The following FAM161B variants were observed in gnomAD, a reference collection of about 807,000 sequenced individuals.
FAM161B encodes the protein FAM161 centrosomal protein B, also known as protein FAM161B.
In FAM161B, 46 loss-of-function variants were observed where a neutral mutation model predicts 61.5. The observed-to-expected ratio is 0.75, with a 90% CI of 0.59 to 0.96. FAM161B has a LOEUF of 0.96. Ranked by LOEUF, FAM161B falls within the 40% of genes least tolerant of loss-of-function variation. The pLI, the probability that FAM161B is intolerant of heterozygous loss-of-function variation, is 0.00. For missense variants in FAM161B, 774 were observed against 800.7 expected (o/e 0.97, Z 0.40); for synonymous variants, 284 against 302.7 (o/e 0.94, Z 0.64).
At chr14:73,925,886 T>C in the FAM161B span, among the ~76,000 whole-genome samples, 1 of 151,992 alleles carries the variant, frequency 6.6e-6, no homozygotes, top group African/African-American at 2.4e-5. Context: ...AAAAAAAAAT[T>C]AGCGGGACGT....
downstream of FAM161B, chr14:73,927,914 T>C (rs753370908): frequency 1.2e-5 from 2 of 163,698 alleles, no homozygotes; most frequent in South Asian, 2.3e-4. Context: ...CTCGGCCCAC[T>C]GCAACCTCTA....
At chr14:73,945,163 G>C (rs888288454) in intron 2 of FAM161B, among the ~76,000 whole-genome samples, 3 of 152,216 alleles carry the variant, frequency 2.0e-5, no homozygotes, top group African/African-American at 7.2e-5. Context: ...TTTAGAGTCA[G>C]ACAGACCTGG....
At chr14:73,937,447 T>C (rs1311320079) in intron 7 of FAM161B, among the ~76,000 whole-genome samples, 155 bp downstream of exon 7, 4 of 152,212 alleles carry the variant, frequency 2.6e-5, no homozygotes, top group Non-Finnish European at 4.4e-5. Flanking sequence ...GCATTCTCTA[T>C]TGTACTATTT....
chr14:73,923,982 G>A, the FAM161B span, among the ~76,000 whole-genome samples: 1 of 151,994 alleles, frequency 6.6e-6, no homozygotes, highest in African/African-American at 2.4e-5. Flanking sequence ...ATAACATCCT[G>A]GAAAAAGTCC....
At chr14:73,942,070 C>G (rs1009316103) in intron 4 of FAM161B, among the ~76,000 whole-genome samples, 2 of 152,128 alleles carry the variant, frequency 1.3e-5, no homozygotes, top group African/African-American at 4.8e-5. Context: ...ACAGTGGCAT[C>G]ATCTTGGCTC....
intron 2 of FAM161B, among the ~76,000 whole-genome samples, chr14:73,945,786 G>A (rs1224977939): frequency 1.3e-5 from 2 of 151,170 alleles, no homozygotes; most frequent in Non-Finnish European, 2.9e-5. Context: ...CTGTTGCTCA[G>A]GCTGGAGTGC....
chr14:73,945,515 C>T (rs2056058895), intron 2 of FAM161B, among the ~76,000 whole-genome samples: 1 of 152,074 alleles, frequency 6.6e-6, no homozygotes, highest in African/African-American at 2.4e-5. Flanking sequence ...ACTGCAACCT[C>T]CACCTCCCAG....
At position 73,942,638 on chromosome 14, in the gene FAM161B, A is replaced by C. The variant is rs747658672; in HGVS notation, c.1003T>G (p.Ser335Ala). 3.1e-6 allele frequency: 5 copies of C among 1,614,008 alleles called. No homozygotes were observed. The East Asian group carries it at 6.7e-5, about 22-fold the overall frequency. The change falls in exon 4 of 9, where the codon TCC becomes GCC. Residue 335 changes from serine to alanine, a missense_variant. Ser to Ala is a moderately conservative substitution (Grantham distance 99). Coordinates refer to ENST00000286544, the MANE Select transcript of FAM161B (RefSeq NM_152445.3). Reference protein sequence around the residue: ...MLQMASSPIASSSNRANPQPR... With the variant: ...MLQMASSPIAASSNRANPQPR... ...TGTGGGTTAGCCCGGTTACTAGAGGAGGCGATAGGGGAAGAGGCCATCTGG... is the reference window on the plus strand; with the variant it reads ...TGTGGGTTAGCCCGGTTACTAGAGGCGGCGATAGGGGAAGAGGCCATCTGG...
At chr14:73,949,784 T>C in intron 1 of FAM161B, 189 bp downstream of exon 1, 1 of 728,214 alleles carries the variant, frequency 1.4e-6, no homozygotes, top group South Asian at 1.9e-5. Context: ...TGACATTGCC[T>C]ATCAAGAGCC....
Position 73,936,039 on chromosome 14 carries a change from T to A in FAM161B, c.1715A>T (p.Gln572Leu), listed in dbSNP as rs765054455. ...AEQWYLDTLK[Q>L]AGLEEDFVRN... ...CACAAAGTCTTCCTCCAGCCCAGCCTGCTTCAGGGTGTCTAGATACCACTG... is the reference window on the plus strand; with the variant it reads ...CACAAAGTCTTCCTCCAGCCCAGCCAGCTTCAGGGTGTCTAGATACCACTG... Residue 572 changes from glutamine to leucine, a missense_variant, in exon 8 of 9, where the codon CAG becomes CTG. Physicochemically the swap from Gln to Leu is moderately radical, Grantham distance 113 (BLOSUM62 -2). Transcript: ENST00000286544. 2 of 1,613,924 alleles carry A rather than the reference T, an allele frequency of 1.2e-6. No individual in the cohort carries two copies. Among genetic ancestry groups the A allele is most frequent in the Non-Finnish European group, 1.7e-6 (2 of 1,179,868 alleles).
chr14:73,935,848 G>T, intron 8 of FAM161B, 101 bp downstream of exon 8: 2 of 1,307,472 alleles, frequency 1.5e-6, no homozygotes, highest in East Asian at 2.4e-5. Flanking sequence ...ACAGGATTAT[G>T]ATCTCAAAAT....
At position 73,940,795 on chromosome 14, in the gene FAM161B, T is replaced by A. The variant is rs994533768; in HGVS notation, c.1400+131A>T. ...GTGTGGAGAACCGCAATTGTTCCAGTCCTGATCAGAAAATTCCCTTTGACC... is the reference window on the plus strand; with the variant it reads ...GTGTGGAGAACCGCAATTGTTCCAGACCTGATCAGAAAATTCCCTTTGACC... On this transcript the variant is annotated intron_variant, in intron 5 of 8. Transcript: ENST00000286544. The A allele has an allele frequency of 5.3e-6, 7 of 1,322,032 alleles. 1 individual carries two copies. The highest frequency in any genetic ancestry group is 7.1e-6 in the Non-Finnish European group (7 of 982,270). 81.9% of individuals were successfully genotyped at this position (1,322,032 alleles called of 1,614,324 possible). A position where few individuals can be genotyped will look rare whatever the true frequency, so the allele number is the denominator to read the frequency against.
chr14:73,923,332 T>C, the FAM161B span: 1 of 1,542,620 alleles, frequency 6.5e-7, no homozygotes. Context: ...AGAGGCTTAA[T>C]GATCCAGATA....
In FAM161B at chr14:73,946,265, C is replaced by T. The variant is rs745755466; in HGVS notation, c.374+21G>A. ...GTGTGGAGGTGTGGAGTGAGGCAGC[C>T]GTGGAGCTGCAGTGCCTTACCTCAG... On this transcript the variant is annotated intron_variant, in intron 2 of 8. Transcript: ENST00000286544. 15 of 1,600,356 alleles carry T rather than the reference C, an allele frequency of 9.4e-6. No homozygotes were observed. The African/African-American group carries it at 9.4e-5, about 10-fold the overall frequency.
downstream of FAM161B, among the ~76,000 whole-genome samples, chr14:73,930,085 C>T (rs943718950): frequency 1.3e-5 from 2 of 152,124 alleles, no homozygotes; most frequent in Non-Finnish European, 2.9e-5. Flanking sequence ...CTAGTTTTGA[C>T]TACCTCTTAG....
rs763793381 is a variant in FAM161B, at chr14:73,934,296, A to G, written c.1904T>C (p.Leu635Pro). ...GAGATTTTCTGGTGACTGATGAGAC[A>G]GCTCCTCCAGTACTTTCCTGGGGCT... ...PASPRKVLEE[L>P]SHQSPENLVS... Residue 635 changes from leucine to proline, a missense_variant, in exon 9 of 9, where the codon CTG becomes CCG. Physicochemically the swap from Leu to Pro is moderately conservative, Grantham distance 98. Coordinates refer to ENST00000286544, the MANE Select transcript of FAM161B (RefSeq NM_152445.3). The G allele has an allele frequency of 5.6e-6, 9 of 1,614,022 alleles. No homozygotes were observed. Among genetic ancestry groups the G allele is most frequent in the South Asian group, 1.1e-5 (1 of 91,078 alleles).
At chr14:73,943,792 T>C (rs2056039602) in intron 3 of FAM161B, among the ~76,000 whole-genome samples, 1 of 152,216 alleles carries the variant, frequency 6.6e-6, no homozygotes, top group Admixed American at 6.5e-5. Context: ...TCCTCACATA[T>C]CTACAAACTC....
downstream of FAM161B, chr14:73,931,970 T>G (rs554478301): frequency 2.0e-4 from 92 of 456,790 alleles, 2 homozygotes; most frequent in South Asian, 1.4e-3. Flanking sequence ...AAGTTGAGTT[T>G]TCAAGATGCC....
chr14:73,932,372 A>C lies in FAM161B; in HGVS notation c.*1884T>G. 1 of 422,110 alleles carries C rather than the reference A, an allele frequency of 2.4e-6. No homozygotes were observed. Among genetic ancestry groups the C allele is most frequent in the Non-Finnish European group, 4.6e-6 (1 of 217,036 alleles). 26.1% of individuals were successfully genotyped at this position (422,110 alleles called of 1,614,324 possible). A position where few individuals can be genotyped will look rare whatever the true frequency, so the allele number is the denominator to read the frequency against. On this transcript the variant is annotated 3_prime_UTR_variant, in exon 9 of 9. Coordinates refer to ENST00000286544, the MANE Select transcript of FAM161B (RefSeq NM_152445.3). Reference sequence around the variant, plus strand: ...AATAGTGTATTGATTTACCCTTAGGATTCCATACCAGTAAAACTGAACCGA... The same window carrying C: ...AATAGTGTATTGATTTACCCTTAGGCTTCCATACCAGTAAAACTGAACCGA...
Sources: allele counts gnomAD v4.1 joint callset (sites outside exome capture counted in the v4.1 genomes callset), GRCh38; gene constraint gnomAD v4.1.1; transcripts MANE v1.5; gene names NCBI Gene and HGNC (gene_info 2026-07-23, HGNC 2026-07-21).